The following HNRNPC variants were observed in gnomAD, a reference collection of about 807,000 sequenced individuals.
HNRNPC encodes the protein heterogeneous nuclear ribonucleoproteins C1/C2.
A neutral mutation model predicts 33.2 loss-of-function variants in HNRNPC; 3 were observed. That is an observed-to-expected ratio of 0.09 (90% CI 0.04 to 0.23). HNRNPC has a LOEUF of 0.23. Ranked by LOEUF, HNRNPC falls within the 10% of genes least tolerant of loss-of-function variation. HNRNPC has a pLI of 1.00. For synonymous variants in HNRNPC, 121 were observed against 126.7 expected (o/e 0.96, Z 0.30); for missense variants, 143 against 366.7 (o/e 0.39, Z 4.98).
At chr14:21,264,739 T>C (rs960365874) in intron 1 of HNRNPC, 2 of 152,180 alleles carry the variant, frequency 1.3e-5, no homozygotes, top group Non-Finnish European at 2.9e-5. Context: ...GAAATTAAAA[T>C]ATTTTAAGGC....
In HNRNPC at chr14:21,240,867, C is replaced by T. The variant is rs543475221; in HGVS notation, c.-36-6638G>A. ...GAGAAAAAAATTAAACATGCTGTCA[C>T]TTTCACTTACCAGACATTATCTCAC... On this transcript the variant is annotated intron_variant, in intron 2 of 8. Transcript: ENST00000553300. 2.6e-5 allele frequency among the ~76,000 whole-genome samples: 4 copies of T among 152,270 alleles called. No individual in the cohort carries two copies. The South Asian group carries it at 8.3e-4, about 32-fold the overall frequency.
chr14:21,250,354 G>A (rs1166341929), intron 2 of HNRNPC, among the ~76,000 whole-genome samples: 1 of 152,086 alleles, frequency 6.6e-6, no homozygotes, highest in Non-Finnish European at 1.5e-5. Flanking sequence ...ATGAAACATG[G>A]CAATCCTGGT....
rs1028652201 is a variant in HNRNPC, at chr14:21,209,877, A to G, written c.*1346T>C. ...TCACCAACACTGGTAGCTGTTTAAT[A>G]TATTCATCTTACAACTGGATGCTAA... On this transcript the variant is annotated 3_prime_UTR_variant, in exon 9 of 9. Transcript: ENST00000553300. 3 of 152,244 alleles carry G rather than the reference A, an allele frequency of 2.0e-5. No homozygotes were observed. The highest frequency in any genetic ancestry group is 4.4e-5 in the Non-Finnish European group (3 of 68,044). The allele number at this position is 152,244 out of a possible 1,614,324, so 9.4% of individuals were successfully genotyped here. A position where few individuals can be genotyped will look rare whatever the true frequency, so the allele number is the denominator to read the frequency against.
chr14:21,244,685 C>T (rs1472667377), intron 2 of HNRNPC, among the ~76,000 whole-genome samples: 1 of 152,182 alleles, frequency 6.6e-6, no homozygotes, highest in South Asian at 2.1e-4. Context: ...GCAATTTTGT[C>T]ACTGTGTTAA....
At chr14:21,234,845 C>T (rs1271132161) in intron 2 of HNRNPC, 1 of 110,664 alleles carries the variant, frequency 9.0e-6, no homozygotes, top group African/African-American at 2.6e-5. Context: ...TTTCCAGATA[C>T]TTCAATTAAT....
intron 1 of HNRNPC, among the ~76,000 whole-genome samples, chr14:21,266,994 G>A (rs1269293173): frequency 6.6e-6 from 1 of 150,394 alleles, no homozygotes; most frequent in Non-Finnish European, 1.5e-5. Context: ...GGGAAGCCGA[G>A]GCAGGAGAAT....
At chr14:21,240,909 A>G (rs1230778076) in intron 2 of HNRNPC, among the ~76,000 whole-genome samples, 1 of 152,170 alleles carries the variant, frequency 6.6e-6, no homozygotes, top group Non-Finnish European at 1.5e-5. Flanking sequence ...GACAAAGGAA[A>G]ATATATATTA....
intron 1 of HNRNPC, chr14:21,268,689 G>A (rs986620456): frequency 4.6e-5 from 7 of 152,144 alleles, no homozygotes; most frequent in Non-Finnish European, 7.4e-5. Context: ...AAAGTCAGCT[G>A]TAAATATTAA....
intron 2 of HNRNPC, among the ~76,000 whole-genome samples, chr14:21,256,581 G>A (rs1877250697): frequency 6.6e-6 from 1 of 152,092 alleles, no homozygotes; most frequent in Non-Finnish European, 1.5e-5. Flanking sequence ...AGGAGACAAG[G>A]GTGGCTTGAA....
intron 5 of HNRNPC, among the ~76,000 whole-genome samples, chr14:21,224,093 T>TAAAC (rs1278508552): frequency 2.0e-5 from 3 of 152,082 alleles, no homozygotes; most frequent in Non-Finnish European, 2.9e-5. Flanking sequence ...TACATATATA[T>TAAAC]AAACAAACCC....
chr14:21,230,927 C>A (rs887795857), intron 4 of HNRNPC, 70 bp downstream of exon 4: 1 of 1,559,028 alleles, frequency 6.4e-7, no homozygotes, highest in Non-Finnish European at 8.8e-7. Flanking sequence ...CTGATGGACA[C>A]AATGCAGTTA....
rs1891432230 is a variant in HNRNPC, at chr14:21,209,833, G to A, written c.*1390C>T. On this transcript the variant is annotated 3_prime_UTR_variant, in exon 9 of 9. Transcript: ENST00000553300. ...GAAGTATAAAACACAAATGAACTAAGCCTTTCAAGGATGAGGTATCACCAA... is the reference window on the plus strand; with the variant it reads ...GAAGTATAAAACACAAATGAACTAAACCTTTCAAGGATGAGGTATCACCAA... 1 of 152,170 alleles carries A rather than the reference G, an allele frequency of 6.6e-6. No homozygotes were observed. The highest frequency in any genetic ancestry group is 1.5e-5 in the Non-Finnish European group (1 of 68,036). The allele number at this position is 152,170 out of a possible 1,614,324, so 9.4% of individuals were successfully genotyped here. A position where few individuals can be genotyped will look rare whatever the true frequency, so the allele number is the denominator to read the frequency against.
rs530559011 is a variant in HNRNPC at position 21,269,333 on chromosome 14, C to G, written c.-98G>C. On this transcript the variant is annotated 5_prime_UTR_variant, in exon 1 of 9. Coordinates refer to ENST00000553300, the MANE Select transcript of HNRNPC (RefSeq NM_004500.4). ...AGGGAGAAGAGATTCGATTCTGAGTCTCCTACTCCCGGGTTCTGCGTAGAG... is the reference window on the plus strand; with the variant it reads ...AGGGAGAAGAGATTCGATTCTGAGTGTCCTACTCCCGGGTTCTGCGTAGAG... The G allele has an allele frequency of 6.5e-6, 1 of 154,090 alleles. No homozygotes were observed. The highest frequency in any genetic ancestry group is 1.9e-4 in the East Asian group (1 of 5,174). The allele number at this position is 154,090 out of a possible 1,614,324, so 9.5% of individuals were successfully genotyped here. A position where few individuals can be genotyped will look rare whatever the true frequency, so the allele number is the denominator to read the frequency against.
chr14:21,245,234 G>A (rs998601543), intron 2 of HNRNPC, among the ~76,000 whole-genome samples: 3 of 152,030 alleles, frequency 2.0e-5, no homozygotes, highest in Non-Finnish European at 2.9e-5. Context: ...AGTGGCTCAC[G>A]CCTGTAATCC....
At chr14:21,218,680 T>A (rs868396906) in intron 5 of HNRNPC, among the ~76,000 whole-genome samples, 3 of 7,790 alleles carry the variant, frequency 3.9e-4, no homozygotes, top group African/African-American at 9.4e-4. Flanking sequence ...AAACTCTCTC[T>A]CAAAAAAAAA....
intron 2 of HNRNPC, among the ~76,000 whole-genome samples, chr14:21,260,893 G>A (rs1262032727): frequency 6.6e-6 from 1 of 150,830 alleles, no homozygotes; most frequent in African/African-American, 2.4e-5. Context: ...AACCCGGGAG[G>A]TGGAGGTTGC....
At chr14:21,212,260 C>T (rs551671747) in intron 6 of HNRNPC, among the ~76,000 whole-genome samples, 2 of 152,230 alleles carry the variant, frequency 1.3e-5, no homozygotes, top group East Asian at 3.9e-4. Flanking sequence ...TTAGCCTCCC[C>T]CTAAGCATCT....
intron 5 of HNRNPC, among the ~76,000 whole-genome samples, chr14:21,225,410 C>T (rs976984447): frequency 6.7e-6 from 1 of 148,570 alleles, no homozygotes; most frequent in Non-Finnish European, 1.5e-5. Context: ...CCAGCCTGGG[C>T]AATAGAGCAA....
chr14:21,242,350 G>A (rs1895450920), intron 2 of HNRNPC, among the ~76,000 whole-genome samples: 1 of 152,174 alleles, frequency 6.6e-6, no homozygotes, highest in African/African-American at 2.4e-5. Context: ...TGGGCGTGAT[G>A]TCAAGCGCCT....
Sources: allele counts gnomAD v4.1 joint callset (sites outside exome capture counted in the v4.1 genomes callset), GRCh38; gene constraint gnomAD v4.1.1; transcripts MANE v1.5; gene names NCBI Gene and HGNC (gene_info 2026-07-23, HGNC 2026-07-21).